SDK1: variants seen among roughly 807,000 people sequenced by gnomAD.
SDK1 encodes the protein protein sidekick-1.
SDK1 carries 157 observed loss-of-function variants against 245.5 expected under a neutral mutation model. That is an observed-to-expected ratio of 0.64 (90% CI 0.56 to 0.73). SDK1 has a LOEUF of 0.73. SDK1 is among the 30% of genes least tolerant of loss of function. The pLI is 0.00. For missense variants in SDK1, 3,583 were observed against 3,002.3 expected (o/e 1.19, Z -4.52); for synonymous variants, 1,647 against 1,278.5 (o/e 1.29, Z -6.15).
intron 1 of SDK1, among the ~76,000 whole-genome samples, chr7:3,395,483 T>C (rs1452588163): frequency 1.3e-5 from 2 of 151,902 alleles, no homozygotes; most frequent in Non-Finnish European, 2.9e-5. Flanking sequence ...CATCCCATAA[T>C]GAGTGGGAAT....
At chr7:3,910,074 T>C (rs550824353) in intron 5 of SDK1, among the ~76,000 whole-genome samples, 41 of 152,210 alleles carry the variant, frequency 2.7e-4, no homozygotes, top group Non-Finnish European at 4.7e-4. Context: ...GGAATCATTG[T>C]GTTTCTTTGC....
At chr7:4,112,018 C>T (rs1783382769) in intron 23 of SDK1, among the ~76,000 whole-genome samples, 1 of 152,174 alleles carries the variant, frequency 6.6e-6, no homozygotes, top group Admixed American at 6.5e-5. Flanking sequence ...ATAGAGGCCT[C>T]AGTTACCTGA....
intron 1 of SDK1, among the ~76,000 whole-genome samples, chr7:3,406,476 A>C (rs1420741641): frequency 1.3e-5 from 2 of 152,106 alleles, no homozygotes; most frequent in Non-Finnish European, 2.9e-5. Context: ...AAGAACAGGC[A>C]CTCTGGTCGG....
chr7:3,648,370 G>A (rs1320640911), intron 4 of SDK1, among the ~76,000 whole-genome samples: 1 of 152,164 alleles, frequency 6.6e-6, no homozygotes, highest in African/African-American at 2.4e-5. Context: ...ACAGGAATGT[G>A]CAAGCACAAG....
rs374674953 is a variant in SDK1 at position 4,114,218 on chromosome 7, A to G, written c.3767A>G (p.Asn1256Ser). ...MEYELQMQAF[N>S]AVGAGPWSEV... The stretch of plus-strand genomic sequence containing the variant: ...TACGAGCTGCAGATGCAGGCCTTCA[A>G]CGCCGTCGGGGCTGGGCCGTGGAGC... The change falls in exon 25 of 45, where the codon AAC becomes AGC. Residue 1256 changes from asparagine (N) to serine (S), a missense_variant. Coordinates refer to ENST00000404826, the MANE Select transcript of SDK1 (RefSeq NM_152744.4). The G allele has an allele frequency of 2.5e-6, 4 of 1,613,410 alleles. No individual in the cohort carries two copies. Among genetic ancestry groups the G allele is most frequent in the African/African-American group, 2.7e-5 (2 of 74,932 alleles).
intron 5 of SDK1, among the ~76,000 whole-genome samples, chr7:3,876,509 C>T (rs1034252465): frequency 6.6e-6 from 1 of 152,106 alleles, no homozygotes; most frequent in African/African-American, 2.4e-5. Context: ...CTTTTAGAAA[C>T]TGGTTCTAGG....
At chr7:4,028,455 A>G (rs991219324) in intron 17 of SDK1, among the ~76,000 whole-genome samples, 4 of 152,166 alleles carry the variant, frequency 2.6e-5, no homozygotes, top group Admixed American at 6.5e-5. Context: ...AGAAACCTCA[A>G]CTGTGTCTCA....
intron 1 of SDK1, among the ~76,000 whole-genome samples, chr7:3,428,804 T>C (rs1779748518): frequency 2.0e-5 from 3 of 152,214 alleles, no homozygotes; most frequent in African/African-American, 7.2e-5. Flanking sequence ...CCATCATTTT[T>C]ATTTGTTTTA....
At chr7:3,322,038 A>C (rs1779828229) in intron 1 of SDK1, among the ~76,000 whole-genome samples, 1 of 147,664 alleles carries the variant, frequency 6.8e-6, no homozygotes, top group Non-Finnish European at 1.5e-5. Context: ...TAGGTGCCAC[A>C]CAGCATCGAG....
intron 1 of SDK1, among the ~76,000 whole-genome samples, chr7:3,344,930 C>G (rs1583713658): frequency 6.6e-6 from 1 of 152,318 alleles, no homozygotes. Context: ...CAGGTCCACA[C>G]AAGCACAAAT....
intron 5 of SDK1, among the ~76,000 whole-genome samples, chr7:3,878,403 C>G (rs1178860343): frequency 2.0e-5 from 3 of 152,054 alleles, no homozygotes; most frequent in Admixed American, 6.5e-5. Context: ...CGCCTGTAGT[C>G]CCACTTGGGA....
At chr7:3,384,827 T>A (rs1781570990) in intron 1 of SDK1, among the ~76,000 whole-genome samples, 1 of 152,234 alleles carries the variant, frequency 6.6e-6, no homozygotes. Context: ...CATATATGTA[T>A]GCTTGTATTT....
intron 1 of SDK1, among the ~76,000 whole-genome samples, chr7:3,496,202 C>T (rs890906784): frequency 6.6e-6 from 1 of 152,014 alleles, no homozygotes; most frequent in Non-Finnish European, 1.5e-5. Flanking sequence ...AGCAGTGGGA[C>T]CTGTCTCGTG....
At chr7:3,770,921 T>G (rs1210744159) in intron 4 of SDK1, among the ~76,000 whole-genome samples, 2 of 152,182 alleles carry the variant, frequency 1.3e-5, no homozygotes, top group Non-Finnish European at 2.9e-5. Flanking sequence ...TGTTGCCATC[T>G]TCCTCCAGTC....
rs113877580 is a variant in SDK1, at chr7:3,536,411, G to A, written c.299-82669G>A. Among the ~76,000 whole-genome samples, 5 of 152,128 alleles carry A rather than the reference G, an allele frequency of 3.3e-5. 1 individual carries two copies. The highest frequency in any genetic ancestry group is 1.2e-4 in the African/African-American group (5 of 41,490). On this transcript the variant is annotated intron_variant, in intron 1 of 44. Transcript: ENST00000404826. ...AAAAATCTATGCATGGGGCTCGTTG[G>A]CTCATGCCTGTAATCTTAGCACTTG...
intron 17 of SDK1, among the ~76,000 whole-genome samples, chr7:4,019,629 A>G (rs1459079370): frequency 2.6e-5 from 4 of 151,818 alleles, no homozygotes; most frequent in African/African-American, 9.7e-5. Context: ...AATGCTCTTC[A>G]TGAGTGAACG....
chr7:3,632,671 A>C (rs1302194495), intron 2 of SDK1, among the ~76,000 whole-genome samples: 1 of 152,222 alleles, frequency 6.6e-6, no homozygotes, highest in Non-Finnish European at 1.5e-5. Flanking sequence ...TATAGCTTCC[A>C]TCGTTACCAT....
At chr7:3,770,986 C>T (rs1475056952) in intron 4 of SDK1, among the ~76,000 whole-genome samples, 1 of 152,142 alleles carries the variant, frequency 6.6e-6, no homozygotes, top group Non-Finnish European at 1.5e-5. Flanking sequence ...TATTGTTGCT[C>T]ATGAGCCTCT....
At chr7:3,794,267 C>G (rs1048525293) in intron 4 of SDK1, among the ~76,000 whole-genome samples, 1 of 152,160 alleles carries the variant, frequency 6.6e-6, no homozygotes, top group African/African-American at 2.4e-5. Flanking sequence ...TCCTGTCCCT[C>G]AAGACACAGA....
Sources: gnomAD v4.1 joint callset for allele counts (sites outside exome capture counted in the v4.1 genomes callset) on GRCh38, gnomAD v4.1.1 for gene constraint, MANE v1.5 for transcripts, NCBI Gene and HGNC (gene_info 2026-07-23, HGNC 2026-07-21) for gene names.